B3GALT1: variants seen among roughly 807,000 people sequenced by gnomAD.
B3GALT1 encodes beta-1,3-galactosyltransferase 1.
Under a neutral mutation model 23.2 loss-of-function variants are expected in B3GALT1, and 10 were observed. The ratio of observed to expected loss-of-function variants is 0.43; its 90% CI spans 0.27 to 0.73. The LOEUF is 0.73. Ranked by LOEUF, B3GALT1 falls within the 30% of genes least tolerant of loss-of-function variation. B3GALT1 has a pLI of 0.21. For missense variants in B3GALT1, 299 were observed against 405.4 expected (o/e 0.74, Z 2.25); for synonymous variants, 156 against 141.5 (o/e 1.10, Z -0.73).
At chr2:167,810,144 T>C (rs1426524537) in intron 3 of B3GALT1, among the ~76,000 whole-genome samples, 1 of 150,978 alleles carries the variant, frequency 6.6e-6, no homozygotes, top group African/African-American at 2.5e-5. Flanking sequence ...AGGACAGTAT[T>C]AGGATGGGAG....
intron 1 of B3GALT1, among the ~76,000 whole-genome samples, chr2:167,325,740 T>C (rs1405048890): frequency 7.0e-6 from 1 of 142,396 alleles, no homozygotes; most frequent in Non-Finnish European, 1.5e-5. Flanking sequence ...TTTTTCGAGA[T>C]AGATTCTTGC....
chr2:167,664,632 T>C (rs1342508534), intron 3 of B3GALT1, among the ~76,000 whole-genome samples: 1 of 152,214 alleles, frequency 6.6e-6, no homozygotes, highest in Non-Finnish European at 1.5e-5. Context: ...TCCTCTTTTA[T>C]TTCCTCGAGC....
rs572765180 is a variant in B3GALT1 at position 167,633,708 on chromosome 2, G to C, written c.-409-13201G>C. Among the ~76,000 whole-genome samples, 3 of 152,138 alleles carry C rather than the reference G, an allele frequency of 2.0e-5. No homozygotes were observed. The East Asian group carries it at 5.8e-4, about 30-fold the overall frequency. ...AAGCAAGTTCTTAGAGACCTACAAA[G>C]AGACTTAGACTCCCACACAATAATC... On this transcript the variant is annotated intron_variant, in intron 2 of 4. Coordinates refer to ENST00000392690, the MANE Select transcript of B3GALT1 (RefSeq NM_020981.4).
chr2:167,314,503 T>A (rs2105488530), intron 1 of B3GALT1, among the ~76,000 whole-genome samples: 1 of 152,334 alleles, frequency 6.6e-6, no homozygotes, highest in South Asian at 2.1e-4. Context: ...CATTCATGGT[T>A]TTACCAAATT....
At chr2:167,342,618 C>A (rs1192138986) in intron 1 of B3GALT1, among the ~76,000 whole-genome samples, 1 of 151,278 alleles carries the variant, frequency 6.6e-6, no homozygotes, top group Non-Finnish European at 1.5e-5. Context: ...AAAAACAAAA[C>A]CAATTTTTAC....
At chr2:167,547,057 A>C (rs1391132466) in intron 2 of B3GALT1, among the ~76,000 whole-genome samples, 1 of 152,132 alleles carries the variant, frequency 6.6e-6, no homozygotes, top group Non-Finnish European at 1.5e-5. Flanking sequence ...CTAGCTCAGA[A>C]AGCTGAGCTG....
At chr2:167,555,512 G>A (rs774323148) in intron 2 of B3GALT1, among the ~76,000 whole-genome samples, 13 of 152,114 alleles carry the variant, frequency 8.5e-5, no homozygotes, top group Non-Finnish European at 1.9e-4. Flanking sequence ...CACATCTGGA[G>A]CTATCTTTTT....
chr2:167,510,083 C>G (rs1487307028), intron 2 of B3GALT1, among the ~76,000 whole-genome samples: 2 of 152,110 alleles, frequency 1.3e-5, no homozygotes, highest in Non-Finnish European at 2.9e-5. Flanking sequence ...AAAGCAGACT[C>G]ACAATGAATT....
chr2:167,820,365 T>C (rs1482885677), intron 4 of B3GALT1, among the ~76,000 whole-genome samples: 1 of 152,196 alleles, frequency 6.6e-6, no homozygotes, highest in Non-Finnish European at 1.5e-5. Context: ...CCTGCTTCCC[T>C]TCCCTTCTGG....
At chr2:167,472,303 T>G (rs1284664562) in intron 1 of B3GALT1, among the ~76,000 whole-genome samples, 1 of 152,140 alleles carries the variant, frequency 6.6e-6, no homozygotes, top group African/African-American at 2.4e-5. Flanking sequence ...TGGAAGGGTA[T>G]GAATAAAAGT....
intron 3 of B3GALT1, among the ~76,000 whole-genome samples, chr2:167,713,439 T>C (rs1273284025): frequency 6.6e-6 from 1 of 152,236 alleles, no homozygotes; most frequent in African/African-American, 2.4e-5. Flanking sequence ...CAAACTTATC[T>C]GTATTGTATA....
intron 3 of B3GALT1, among the ~76,000 whole-genome samples, chr2:167,671,650 G>A (rs1027256569): frequency 6.6e-6 from 1 of 151,918 alleles, no homozygotes; most frequent in African/African-American, 2.4e-5. Flanking sequence ...GTATTCCTAA[G>A]AGGAAAGTTC....
chr2:167,504,253 G>A (rs1699887637), intron 2 of B3GALT1, among the ~76,000 whole-genome samples: 1 of 152,140 alleles, frequency 6.6e-6, no homozygotes, highest in Admixed American at 6.6e-5. Flanking sequence ...TTACTTAGTG[G>A]TAATCATTTC....
At chr2:167,779,132 C>A (rs1340423983) in intron 3 of B3GALT1, among the ~76,000 whole-genome samples, 2 of 152,246 alleles carry the variant, frequency 1.3e-5, no homozygotes, top group Admixed American at 6.5e-5. Context: ...ATACATCTTT[C>A]TTTCATTCAC....
chr2:167,398,466 A>G (rs912247733), intron 1 of B3GALT1, among the ~76,000 whole-genome samples: 1 of 151,988 alleles, frequency 6.6e-6, no homozygotes, highest in Admixed American at 6.6e-5. Context: ...TAAAATGATA[A>G]TAGCTAATAG....
At chr2:167,863,686 T>C (rs556114310) in intron 4 of B3GALT1, among the ~76,000 whole-genome samples, 74 of 152,370 alleles carry the variant, frequency 4.9e-4, no homozygotes, top group African/African-American at 1.7e-3. Context: ...TTACTATTTC[T>C]GGCCCATGGG....
intron 4 of B3GALT1, among the ~76,000 whole-genome samples, chr2:167,824,125 A>G (rs1479076494): frequency 1.3e-5 from 2 of 152,240 alleles, no homozygotes; most frequent in Non-Finnish European, 2.9e-5. Context: ...CAGTATATTC[A>G]AAGAACCCAT....
chr2:167,520,981 CT>C (rs796373922), intron 2 of B3GALT1, among the ~76,000 whole-genome samples: 139 of 146,832 alleles, frequency 9.5e-4, no homozygotes, highest in African/African-American at 2.2e-3. Context: ...ACAAGATTAA[CT>C]TTTTTTTTTT....
chr2:167,406,839 G>A (rs552445656), intron 1 of B3GALT1, among the ~76,000 whole-genome samples: 8 of 152,246 alleles, frequency 5.3e-5, no homozygotes, highest in Non-Finnish European at 7.4e-5. Context: ...TCAGCCTTCC[G>A]ATCCTGCTGG....
Sources: gnomAD v4.1 joint callset for allele counts (sites outside exome capture counted in the v4.1 genomes callset) on GRCh38, gnomAD v4.1.1 for gene constraint, MANE v1.5 for transcripts, NCBI Gene and HGNC (gene_info 2026-07-23, HGNC 2026-07-21) for gene names.